The following ERC2 variants were observed in gnomAD, a reference collection of about 807,000 sequenced individuals.
ERC2 encodes the protein ERC protein 2.
ERC2 carries 42 observed loss-of-function variants against 114.8 expected under a neutral mutation model. The observed-to-expected ratio is 0.37, with a 90% CI of 0.29 to 0.47. The LOEUF is 0.47. Ranked by LOEUF, ERC2 falls within the 20% of genes least tolerant of loss-of-function variation. ERC2 has a pLI of 0.99. For missense variants in ERC2, 939 were observed against 1,150.7 expected (o/e 0.82, Z 2.66); for synonymous variants, 454 against 425.5 (o/e 1.07, Z -0.82).
At chr3:56,451,648 G>A (rs1339128632) in intron 1 of ERC2, among the ~76,000 whole-genome samples, 1 of 152,180 alleles carries the variant, frequency 6.6e-6, no homozygotes, top group Non-Finnish European at 1.5e-5. Flanking sequence ...AGTAAATCAA[G>A]TAATTGAGTC....
At chr3:55,882,138 G>A (rs1190888557) in intron 14 of ERC2, among the ~76,000 whole-genome samples, 2 of 152,160 alleles carry the variant, frequency 1.3e-5, no homozygotes, top group Non-Finnish European at 1.5e-5. Flanking sequence ...CTCCCTTGGG[G>A]GTGAGTGAGT....
At chr3:56,047,909 C>T (rs2149677481) in intron 7 of ERC2, among the ~76,000 whole-genome samples, 1 of 152,054 alleles carries the variant, frequency 6.6e-6, no homozygotes, top group East Asian at 1.9e-4. Flanking sequence ...TAGAATTGTA[C>T]CCACAAAAAA....
chr3:55,704,434 C>T (rs2063378429), intron 15 of ERC2, among the ~76,000 whole-genome samples: 1 of 152,146 alleles, frequency 6.6e-6, no homozygotes, highest in African/African-American at 2.4e-5. Flanking sequence ...TAATACTGTA[C>T]AATAGCAATT....
At chr3:55,984,469 G>A (rs1219286040) in intron 12 of ERC2, among the ~76,000 whole-genome samples, 3 of 152,074 alleles carry the variant, frequency 2.0e-5, no homozygotes, top group African/African-American at 7.2e-5. Flanking sequence ...CAAAGGGAAG[G>A]CAAAAGGAGG....
At chr3:56,191,497 C>CCCTG (rs2047777349) in intron 3 of ERC2, among the ~76,000 whole-genome samples, 2 of 152,144 alleles carry the variant, frequency 1.3e-5, no homozygotes, top group Non-Finnish European at 2.9e-5. Flanking sequence ...CTCACAACTC[C>CCCTG]ATGAGATCCT....
intron 13 of ERC2, among the ~76,000 whole-genome samples, chr3:55,927,916 T>A (rs1191169259): frequency 6.6e-6 from 1 of 152,200 alleles, no homozygotes; most frequent in Non-Finnish European, 1.5e-5. Context: ...GTTCCACCCA[T>A]GTTGTTGCAA....
At chr3:55,862,266 T>G (rs2062063791) in intron 14 of ERC2, among the ~76,000 whole-genome samples, 1 of 152,156 alleles carries the variant, frequency 6.6e-6, no homozygotes, top group South Asian at 2.1e-4. Flanking sequence ...AGTTGCTTCT[T>G]CATCTATGCA....
intron 14 of ERC2, among the ~76,000 whole-genome samples, chr3:55,836,645 A>C (rs1056203996): frequency 6.6e-6 from 1 of 152,154 alleles, no homozygotes; most frequent in Non-Finnish European, 1.5e-5. Context: ...TAAAACCATA[A>C]AAACCCTAGA....
At chr3:55,765,833 A>C (rs1019616372) in intron 14 of ERC2, among the ~76,000 whole-genome samples, 1 of 152,192 alleles carries the variant, frequency 6.6e-6, no homozygotes, top group Non-Finnish European at 1.5e-5. Context: ...GCTTTCCTGC[A>C]TTTTGCTGAA....
At chr3:56,012,382 C>A (rs2073013631) in intron 8 of ERC2, among the ~76,000 whole-genome samples, 2 of 152,134 alleles carry the variant, frequency 1.3e-5, no homozygotes, top group Admixed American at 1.3e-4. Context: ...GGCACTTATT[C>A]CCACTCGGCA....
At chr3:56,077,427 C>CA (rs2077025825) in intron 7 of ERC2, among the ~76,000 whole-genome samples, 3 of 152,096 alleles carry the variant, frequency 2.0e-5, no homozygotes, top group African/African-American at 7.2e-5. Flanking sequence ...ATCATGTTGC[C>CA]GAAAGGAGCC....
chr3:56,456,647 T>A (rs905083697), intron 1 of ERC2, among the ~76,000 whole-genome samples: 1 of 152,234 alleles, frequency 6.6e-6, no homozygotes, highest in East Asian at 1.9e-4. Flanking sequence ...ACTAGCCATA[T>A]TGGGCATGCC....
chr3:56,108,421 T>C (rs1349176861), intron 6 of ERC2, among the ~76,000 whole-genome samples: 1 of 152,090 alleles, frequency 6.6e-6, no homozygotes, highest in Non-Finnish European at 1.5e-5. Flanking sequence ...ATTATTTGCC[T>C]TAACATATAA....
At chr3:56,463,982 T>C (rs1432410935) in intron 1 of ERC2, among the ~76,000 whole-genome samples, 1 of 152,234 alleles carries the variant, frequency 6.6e-6, no homozygotes, top group Non-Finnish European at 1.5e-5. Flanking sequence ...TTCATGTGTA[T>C]ACACAAACCT....
At chr3:56,279,398 A>G (rs1474710189) in intron 3 of ERC2, among the ~76,000 whole-genome samples, 1 of 152,224 alleles carries the variant, frequency 6.6e-6, no homozygotes. Context: ...GGAAGGACTG[A>G]AAGTGAGGAT....
intron 7 of ERC2, among the ~76,000 whole-genome samples, chr3:56,054,334 A>T (rs2075907110): frequency 1.3e-5 from 2 of 152,200 alleles, no homozygotes; most frequent in Non-Finnish European, 2.9e-5. Context: ...GATTTAGTTC[A>T]AGGGTTTCAA....
At chr3:56,231,924 C>T (rs114649166) in intron 3 of ERC2, among the ~76,000 whole-genome samples, 4,327 of 149,788 alleles carry the variant, frequency 0.029, 68 homozygotes, top group Middle Eastern at 0.056. Context: ...TAAGCAATAA[C>T]AAACTAGAAA....
At chr3:56,385,178 T>G (rs571130206) in intron 2 of ERC2, among the ~76,000 whole-genome samples, 2 of 151,894 alleles carry the variant, frequency 1.3e-5, no homozygotes, top group Non-Finnish European at 2.9e-5. Context: ...TTATTTCTTA[T>G]AGTTCTGGAA....
chr3:55,994,672 A>AAAAAAAAAAAAAAAAT (rs2071364096), intron 10 of ERC2, among the ~76,000 whole-genome samples: 1 of 150,248 alleles, frequency 6.7e-6, no homozygotes, highest in Admixed American at 6.6e-5. Flanking sequence ...AAAAAAAAAA[A>AAAAAAAAAAAAAAAAT]GCCTCCCTGA....
Sources: gnomAD v4.1 joint callset for allele counts (sites outside exome capture counted in the v4.1 genomes callset) on GRCh38, gnomAD v4.1.1 for gene constraint, MANE v1.5 for transcripts, NCBI Gene and HGNC (gene_info 2026-07-23, HGNC 2026-07-21) for gene names.